PHLDB2: variants seen among roughly 807,000 people sequenced by gnomAD.
The protein encoded by PHLDB2 is pleckstrin homology like domain family B member 2, also known as pleckstrin homology-like domain family B member 2.
In PHLDB2, 71 loss-of-function variants were observed where a neutral mutation model predicts 123.6. The ratio of observed to expected loss-of-function variants is 0.57; its 90% CI spans 0.47 to 0.70. PHLDB2 has a LOEUF of 0.70. Among genes scored for constraint, PHLDB2 ranks in the 30% least tolerant of loss-of-function variants. The pLI, the probability that PHLDB2 is intolerant of heterozygous loss-of-function variation, is 0.00. For missense variants in PHLDB2, 1,446 were observed against 1,519.5 expected, an observed-to-expected ratio of 0.95 and a Z score of 0.80; for synonymous variants, 547 against 541.6, an observed-to-expected ratio of 1.01 and a Z score of -0.14.
At chr3:111,965,910 A>G (rs1049607239) in intron 13 of PHLDB2, among the ~76,000 whole-genome samples, 1 of 152,126 alleles carries the variant, frequency 6.6e-6, no homozygotes, top group African/African-American at 2.4e-5. Context: ...CTTTGGTTTC[A>G]TCTTTCACTT....
intron 1 of PHLDB2, among the ~76,000 whole-genome samples, chr3:111,841,736 C>T (rs1348153364): frequency 6.6e-6 from 1 of 152,170 alleles, no homozygotes; most frequent in Non-Finnish European, 1.5e-5. Context: ...TTTATCAATA[C>T]ATTTATTCCA....
chr3:111,947,709 ACTT>A (rs1458172500), intron 9 of PHLDB2, among the ~76,000 whole-genome samples: 5 of 152,204 alleles, frequency 3.3e-5, no homozygotes, highest in Admixed American at 1.3e-4. Context: ...CTAGTTGACT[ACTT>A]CTTTTCTTCA....
chr3:111,963,195 G>A (rs6788215), intron 13 of PHLDB2, among the ~76,000 whole-genome samples: 28,866 of 151,894 alleles, frequency 0.19, 3,433 homozygotes, highest in African/African-American at 0.33. Flanking sequence ...GTCAGATCCC[G>A]GAACCTGGCA....
chr3:111,862,438 C>T (rs567845360), intron 1 of PHLDB2, among the ~76,000 whole-genome samples: 17 of 152,204 alleles, frequency 1.1e-4, no homozygotes, highest in African/African-American at 3.9e-4. Context: ...GGTTTTGGCC[C>T]CCAGAGGATA....
intron 10 of PHLDB2, chr3:111,949,840 C>T (rs2070592802): frequency 1.0e-6 from 1 of 985,994 alleles, no homozygotes; most frequent in Non-Finnish European, 1.2e-6. Flanking sequence ...CACACCTCCT[C>T]CTTTACCAGC....
chr3:111,733,019 C>T (rs1480009178), intron 1 of PHLDB2, among the ~76,000 whole-genome samples: 1 of 152,170 alleles, frequency 6.6e-6, no homozygotes, highest in African/African-American at 2.4e-5. Context: ...GGTAACTCCA[C>T]AAGCATGGTT....
chr3:111,946,679 G>A, intron 9 of PHLDB2, among the ~76,000 whole-genome samples: 1 of 152,202 alleles, frequency 6.6e-6, no homozygotes, highest in East Asian at 1.9e-4. Context: ...GGTGGGTAAG[G>A]GTGCAGGTCT....
In PHLDB2 at chr3:111,920,304, T is replaced by A. The variant is rs374505409; in HGVS notation, c.1886T>A (p.Leu629Ter). The A allele has an allele frequency of 1.1e-5, 17 of 1,613,808 alleles. No homozygotes were observed. The highest frequency in any genetic ancestry group is 1.7e-5 in the Admixed American group (1 of 59,974). ...FRELDMECAL[L>*]DGEQKSETTE... ...TAGTTGGATATGGAATGTGCTCTTT[T>A]GGATGGAGAACAGAAATCTGAAACA... Residue 629 changes from leucine (L) to a stop codon, truncating the protein, a stop_gained, in exon 5 of 18, where the codon TTG becomes TAG. Transcript: ENST00000431670. LOFTEE classifies it high-confidence loss of function.
chr3:111,817,245 C>A (rs1050606373), intron 1 of PHLDB2, among the ~76,000 whole-genome samples: 9 of 152,162 alleles, frequency 5.9e-5, no homozygotes, highest in Admixed American at 6.5e-5. Flanking sequence ...TCACTATGCC[C>A]CACCTCCCAA....
chr3:111,806,169 T>C (rs951926524), intron 1 of PHLDB2, among the ~76,000 whole-genome samples: 1 of 152,200 alleles, frequency 6.6e-6, no homozygotes. Context: ...AACAGCCTTA[T>C]TGAGGAATAA....
At chr3:111,899,605 T>G (rs2067072345) in intron 2 of PHLDB2, among the ~76,000 whole-genome samples, 2 of 152,172 alleles carry the variant, frequency 1.3e-5, no homozygotes, top group African/African-American at 2.4e-5. Context: ...CTTAAGGGCC[T>G]TGGTATTTTT....
intron 2 of PHLDB2, among the ~76,000 whole-genome samples, chr3:111,853,691 C>G (rs1334349931): frequency 6.6e-6 from 1 of 152,112 alleles, no homozygotes; most frequent in Admixed American, 6.6e-5. Flanking sequence ...GCCTGACCAA[C>G]ATGGTGAAAT....
At chr3:111,935,779 C>A (rs145708527) in intron 6 of PHLDB2, among the ~76,000 whole-genome samples, 3 of 152,246 alleles carry the variant, frequency 2.0e-5, no homozygotes, top group African/African-American at 7.2e-5. Flanking sequence ...TATATTCTAG[C>A]CACTCTGGCA....
intron 1 of PHLDB2, among the ~76,000 whole-genome samples, chr3:111,800,178 G>A (rs1159947711): frequency 4.6e-5 from 7 of 151,986 alleles, no homozygotes; most frequent in Admixed American, 1.3e-4. Context: ...CCTAGTTTTT[G>A]CAATTTTCTG....
intron 1 of PHLDB2, among the ~76,000 whole-genome samples, chr3:111,808,518 T>C (rs2061697109): frequency 1.3e-5 from 2 of 151,710 alleles, no homozygotes; most frequent in African/African-American, 4.8e-5. Flanking sequence ...TCTTTTATTT[T>C]GGATTCAGAG....
rs749267105 is a variant in PHLDB2, at chr3:111,913,653, C to T, written c.1670C>T (p.Thr557Ile). 1.2e-6 allele frequency: 2 copies of T among 1,613,934 alleles called. No homozygotes were observed. The highest frequency in any genetic ancestry group is 2.2e-5 in the East Asian group (1 of 44,880). Residue 557 changes from threonine (T) to isoleucine (I), a missense_variant, in exon 3 of 18, where the codon ACC (threonine) becomes ATC (isoleucine). By Grantham distance (89) the Thr-to-Ile change is moderately conservative (BLOSUM62 -1). Coordinates refer to ENST00000431670, the MANE Select transcript of PHLDB2 (RefSeq NM_001134438.2). ...LTRTPPPPSS[T>I]FPKASSESSY... ...CGGACTCCTCCACCACCATCCTCCA[C>T]CTTTCCGAAAGCTTCCAGCGAGTCC...
chr3:111,760,572 TA>T (rs1284525247), intron 1 of PHLDB2, among the ~76,000 whole-genome samples: 1 of 152,182 alleles, frequency 6.6e-6, no homozygotes, highest in Non-Finnish European at 1.5e-5. Context: ...ACATGGTTAT[TA>T]AAAGGTTTGT....
intron 1 of PHLDB2, among the ~76,000 whole-genome samples, chr3:111,815,277 G>A (rs532897757): frequency 4.3e-4 from 66 of 152,258 alleles, no homozygotes; most frequent in African/African-American, 1.5e-3. Flanking sequence ...GCACTGCTGA[G>A]AAGATACCCA....
At chr3:111,778,338 G>C (rs569265374) in intron 1 of PHLDB2, 1 of 152,158 alleles carries the variant, frequency 6.6e-6, no homozygotes, top group East Asian at 1.9e-4. Flanking sequence ...GAGCCAAGGA[G>C]AGAAGCATGG....
Sources: allele counts gnomAD v4.1 joint callset (sites outside exome capture counted in the v4.1 genomes callset), GRCh38; gene constraint gnomAD v4.1.1; transcripts MANE v1.5; gene names NCBI Gene and HGNC (gene_info 2026-07-23, HGNC 2026-07-21).